The following GRM8 variants were observed in gnomAD, a reference collection of about 807,000 sequenced individuals.
GRM8 encodes the protein glutamate metabotropic receptor 8.
GRM8 carries 47 observed loss-of-function variants against 87.2 expected under a neutral mutation model. The ratio of observed to expected loss-of-function variants is 0.54; its 90% CI spans 0.43 to 0.69. The LOEUF (loss-of-function observed/expected upper bound fraction) is 0.69. Among genes scored for constraint, GRM8 ranks in the 30% least tolerant of loss-of-function variants. The pLI, the probability that GRM8 is intolerant of heterozygous loss-of-function variation, is 0.00. For synonymous variants in GRM8, 396 were observed against 404.5 expected (o/e 0.98, Z 0.25); for missense variants, 1,019 against 1,139.2 (o/e 0.89, Z 1.52).
intron 7 of GRM8, among the ~76,000 whole-genome samples, chr7:126,687,462 T>G (rs1443753232): frequency 1.3e-5 from 2 of 152,204 alleles, no homozygotes; most frequent in Non-Finnish European, 2.9e-5. Flanking sequence ...TTCCATTGCA[T>G]GGACACACTA....
chr7:127,161,435 T>C (rs966281791), intron 2 of GRM8, among the ~76,000 whole-genome samples: 1 of 152,164 alleles, frequency 6.6e-6, no homozygotes, highest in African/African-American at 2.4e-5. Context: ...CTCCTACAAA[T>C]TGATTCTTCC....
chr7:127,146,379 G>A (rs750475915), intron 2 of GRM8, among the ~76,000 whole-genome samples: 52 of 152,040 alleles, frequency 3.4e-4, no homozygotes, highest in Non-Finnish European at 6.2e-4. Flanking sequence ...TGAAAACTGT[G>A]GTTCCCAGAG....
chr7:127,118,088 T>G (rs548373116), intron 2 of GRM8: 1 of 152,338 alleles, frequency 6.6e-6, no homozygotes, highest in South Asian at 2.1e-4. Context: ...CAGCTAGCAT[T>G]CAGGTACTGA....
At chr7:126,594,628 T>A (rs1380653655) in intron 8 of GRM8, among the ~76,000 whole-genome samples, 1 of 152,046 alleles carries the variant, frequency 6.6e-6, no homozygotes, top group African/African-American at 2.4e-5. Flanking sequence ...AAATTTCACT[T>A]AGGAGGAATA....
At chr7:127,108,598 A>C (rs1826037477) in intron 2 of GRM8, among the ~76,000 whole-genome samples, 1 of 152,116 alleles carries the variant, frequency 6.6e-6, no homozygotes, top group African/African-American at 2.4e-5. Flanking sequence ...CCTGCCTATA[A>C]TAATGAGCCA....
At chr7:127,148,242 T>C (rs1355831694) in intron 2 of GRM8, among the ~76,000 whole-genome samples, 1 of 150,192 alleles carries the variant, frequency 6.7e-6, no homozygotes, top group Non-Finnish European at 1.5e-5. Flanking sequence ...ACTTTTCCAC[T>C]AAAGAAGTTT....
chr7:126,533,227 G>C lies in GRM8; in HGVS notation c.2155C>G (p.Pro719Ala). 2 of 1,613,312 alleles carry C rather than the reference G, an allele frequency of 1.2e-6. No homozygotes were observed. The highest frequency in any genetic ancestry group is 1.7e-6 in the Non-Finnish European group (2 of 1,179,864). Residue 719 changes from proline (P) to alanine (A), a missense_variant, in exon 9 of 11, where the codon CCC becomes GCC. Coordinates refer to ENST00000339582, the MANE Select transcript of GRM8 (RefSeq NM_000845.3). ...TCTCCATAGTCAATGATGATGTGGG[G>C]GGGATCCACAACAAACCAGACAAAC... The part of the protein sequence containing the change: ...GVFVWFVVDP[P>A]HIIIDYGEQR...
At chr7:126,924,591 C>T (rs1804891869) in intron 3 of GRM8, among the ~76,000 whole-genome samples, 1 of 152,090 alleles carries the variant, frequency 6.6e-6, no homozygotes, top group African/African-American at 2.4e-5. Flanking sequence ...TCTTTCCTTC[C>T]TCCTTTTCTT....
At chr7:126,496,711 T>C (rs983843301) in intron 9 of GRM8, among the ~76,000 whole-genome samples, 6 of 151,968 alleles carry the variant, frequency 3.9e-5, no homozygotes, top group Non-Finnish European at 5.9e-5. Flanking sequence ...ACTCGGTGGC[T>C]TTGGACAAGT....
At chr7:126,604,327 A>G (rs778437422) in intron 8 of GRM8, among the ~76,000 whole-genome samples, 1 of 152,096 alleles carries the variant, frequency 6.6e-6, no homozygotes, top group Non-Finnish European at 1.5e-5. Flanking sequence ...TTGTGTAGAC[A>G]GACAAGTTAT....
chr7:127,051,739 C>CAAAAAAAAAAAAAAAAAAAAA (rs59713382), intron 3 of GRM8, among the ~76,000 whole-genome samples: 1 of 58,476 alleles, frequency 1.7e-5, no homozygotes, highest in African/African-American at 6.0e-5. Flanking sequence ...TAATGTTGAG[C>CAAAAAAAAAAAAAAAAAAAAA]AAAAAAAAAA....
intron 3 of GRM8, among the ~76,000 whole-genome samples, chr7:126,934,166 T>C (rs1806046624): frequency 6.6e-6 from 1 of 152,154 alleles, no homozygotes; most frequent in African/African-American, 2.4e-5. Context: ...TCAAGATGCT[T>C]CTACATTATA....
intron 3 of GRM8, among the ~76,000 whole-genome samples, chr7:127,017,681 G>A (rs537147939): frequency 2.6e-5 from 4 of 152,112 alleles, no homozygotes; most frequent in African/African-American, 7.2e-5. Flanking sequence ...CAGTTAAAAA[G>A]CAGTAGGCAG....
chr7:126,901,867 GA>G (rs1444645859), intron 6 of GRM8, among the ~76,000 whole-genome samples: 2 of 151,962 alleles, frequency 1.3e-5, no homozygotes, highest in Non-Finnish European at 2.9e-5. Context: ...TATTAAAAAT[GA>G]ATGTTTATAT....
intron 3 of GRM8, among the ~76,000 whole-genome samples, chr7:126,999,321 T>C (rs1441346244): frequency 1.3e-5 from 2 of 151,864 alleles, no homozygotes; most frequent in Admixed American, 6.6e-5. Context: ...CTTCAGGACA[T>C]TGGACTAGGC....
chr7:126,856,895 T>C (rs1259227506), intron 6 of GRM8, among the ~76,000 whole-genome samples: 2 of 152,204 alleles, frequency 1.3e-5, no homozygotes, highest in Non-Finnish European at 2.9e-5. Flanking sequence ...GCTAAGACAA[T>C]TACCTCTTCT....
At chr7:127,214,585 A>G (rs1042717098) in intron 2 of GRM8, among the ~76,000 whole-genome samples, 2 of 152,184 alleles carry the variant, frequency 1.3e-5, no homozygotes, top group African/African-American at 4.8e-5. Context: ...AAAGAGAAGC[A>G]AGTCACGTCT....
intron 3 of GRM8, among the ~76,000 whole-genome samples, chr7:126,971,609 C>A (rs1810435134): frequency 6.6e-6 from 1 of 152,124 alleles, no homozygotes; most frequent in African/African-American, 2.4e-5. Context: ...TGGTAGCCAC[C>A]TTCATCAAGG....
intron 3 of GRM8, chr7:127,082,020 G>A (rs1369489918): frequency 6.6e-6 from 1 of 152,200 alleles, no homozygotes; most frequent in Non-Finnish European, 1.5e-5. Flanking sequence ...TAGAGAGGAA[G>A]TCTAGTGGCA....
Sources: gnomAD v4.1 joint callset for allele counts (sites outside exome capture counted in the v4.1 genomes callset) on GRCh38, gnomAD v4.1.1 for gene constraint, MANE v1.5 for transcripts, NCBI Gene and HGNC (gene_info 2026-07-23, HGNC 2026-07-21) for gene names.